LINGO2: variants seen among roughly 807,000 people sequenced by gnomAD.
LINGO2 encodes leucine-rich repeat and immunoglobulin-like domain-containing nogo receptor-interacting protein 2.
Under a neutral mutation model 30.6 loss-of-function variants are expected in LINGO2, and 14 were observed. The ratio of observed to expected loss-of-function variants is 0.46; its 90% CI spans 0.30 to 0.72. The LOEUF (loss-of-function observed/expected upper bound fraction) is 0.72, where lower values mean the gene tolerates loss of function less well. Ranked by LOEUF, LINGO2 falls within the 30% of genes least tolerant of loss-of-function variation. The probability of loss-of-function intolerance (pLI) is 0.07; values close to 1 mark genes in which losing one functional copy is unlikely to be tolerated. For missense variants in LINGO2, 729 were observed against 751.7 expected, an observed-to-expected ratio of 0.97 and a Z score of 0.35; for synonymous variants, 317 against 288.5, an observed-to-expected ratio of 1.10 and a Z score of -1.00.
intron 2 of LINGO2, among the ~76,000 whole-genome samples, chr9:28,436,529 C>T (rs913823570): frequency 6.6e-6 from 1 of 151,896 alleles, no homozygotes; most frequent in African/African-American, 2.4e-5. Context: ...GCAGTCTCGG[C>T]TCACTGTAAG....
intron 2 of LINGO2, among the ~76,000 whole-genome samples, chr9:28,408,263 T>C (rs1232093553): frequency 6.6e-6 from 1 of 152,168 alleles, no homozygotes; most frequent in Non-Finnish European, 1.5e-5. Context: ...TATTTTCCTC[T>C]ATATGTTTGC....
At chr9:28,310,045 A>C (rs1824549867) in intron 3 of LINGO2, among the ~76,000 whole-genome samples, 1 of 152,194 alleles carries the variant, frequency 6.6e-6, no homozygotes, top group Admixed American at 6.5e-5. Context: ...ACTTTTATAC[A>C]GTGCTGGTAG....
intron 4 of LINGO2, among the ~76,000 whole-genome samples, chr9:28,283,058 A>G (rs1823385352): frequency 6.6e-6 from 1 of 152,192 alleles, no homozygotes; most frequent in Non-Finnish European, 1.5e-5. Flanking sequence ...CCCTTTGTAG[A>G]TGGAACACAT....
chr9:28,020,531 AAAAACAAAACAAAACAAAAC>A (rs138914532), intron 4 of LINGO2, among the ~76,000 whole-genome samples: 248 of 148,686 alleles, frequency 1.7e-3, no homozygotes, highest in African/African-American at 4.8e-3. Flanking sequence ...TCTGTCTTAT[AAAAACAAAACAAAACAAAAC>A]AAAACAAAAC....
the LINGO2 span, among the ~76,000 whole-genome samples, chr9:28,885,489 A>T: frequency 2.0e-5 from 3 of 149,524 alleles, no homozygotes; most frequent in South Asian, 6.3e-4. Context: ...ATACACGTTT[A>T]TATATATATA....
At chr9:28,185,364 G>T (rs1466145962) in intron 4 of LINGO2, among the ~76,000 whole-genome samples, 2 of 150,746 alleles carry the variant, frequency 1.3e-5, no homozygotes, top group East Asian at 3.9e-4. Context: ...ATAACACTAT[G>T]TTAGTATTAA....
chr9:28,980,236 G>A, the LINGO2 span, among the ~76,000 whole-genome samples: 28 of 152,048 alleles, frequency 1.8e-4, no homozygotes, highest in Non-Finnish European at 3.7e-4. Context: ...TGACCACATA[G>A]GGCCCAGCCA....
At chr9:28,453,958 A>C (rs2135085832) in intron 2 of LINGO2, among the ~76,000 whole-genome samples, 1 of 152,146 alleles carries the variant, frequency 6.6e-6, no homozygotes, top group South Asian at 2.1e-4. Flanking sequence ...GCTGCCTTGC[A>C]GTCTGTCTGC....
the LINGO2 span, among the ~76,000 whole-genome samples, chr9:29,105,169 A>G: frequency 6.6e-6 from 1 of 152,248 alleles, no homozygotes; most frequent in African/African-American, 2.4e-5. Flanking sequence ...CACCAAGAGT[A>G]AATGGACTAA....
At chr9:28,900,457 C>G in the LINGO2 span, among the ~76,000 whole-genome samples, 1 of 152,182 alleles carries the variant, frequency 6.6e-6, no homozygotes, top group African/African-American at 2.4e-5. Context: ...CTCCAGCCAG[C>G]CTCAAGGAAC....
intron 1 of LINGO2, among the ~76,000 whole-genome samples, chr9:28,591,425 T>A (rs1344556038): frequency 6.6e-6 from 1 of 151,998 alleles, no homozygotes; most frequent in Admixed American, 6.6e-5. Flanking sequence ...TTTATGACTG[T>A]CTCCCACTTC....
chr9:29,129,815 G>C, the LINGO2 span, among the ~76,000 whole-genome samples: 1 of 152,006 alleles, frequency 6.6e-6, no homozygotes, highest in Non-Finnish European at 1.5e-5. Flanking sequence ...TTGTAGAGAT[G>C]GTGGTTTTGT....
rs554332659 is a variant in LINGO2, at chr9:28,339,627, C to T, written c.-246+33209G>A. Among the ~76,000 whole-genome samples the T allele has an allele frequency of 2.0e-5, 3 of 152,172 alleles. No homozygotes were observed. In the South Asian group the frequency reaches 6.2e-4, roughly 32 times the overall value. On this transcript the variant is annotated intron_variant, in intron 3 of 5. Transcript: ENST00000379992. The stretch of plus-strand genomic sequence containing the variant: ...GCCCACTAAATAGTAATATTAGGAT[C>T]TATCGACTGAGAAAATACTTAAATA...
At chr9:28,685,194 G>A in the LINGO2 span, among the ~76,000 whole-genome samples, 3 of 152,114 alleles carry the variant, frequency 2.0e-5, no homozygotes, top group Admixed American at 1.3e-4. Flanking sequence ...ATTCCATGCT[G>A]TATTTGTACC....
chr9:28,878,349 G>A, the LINGO2 span, among the ~76,000 whole-genome samples: 1 of 152,112 alleles, frequency 6.6e-6, no homozygotes, highest in African/African-American at 2.4e-5. Flanking sequence ...ATATTCAATA[G>A]CTTACCAACC....
chr9:28,644,994 C>T (rs764713357), intron 1 of LINGO2, among the ~76,000 whole-genome samples: 48 of 151,928 alleles, frequency 3.2e-4, no homozygotes, highest in South Asian at 4.1e-4. Flanking sequence ...CAAGGACAGG[C>T]CAATTTGAAG....
At chr9:28,805,493 A>G in the LINGO2 span, among the ~76,000 whole-genome samples, 1 of 152,162 alleles carries the variant, frequency 6.6e-6, no homozygotes, top group Non-Finnish European at 1.5e-5. Flanking sequence ...TTAGCCCCTA[A>G]GATTTGGGTG....
At chr9:28,034,622 A>C (rs899907770) in intron 4 of LINGO2, among the ~76,000 whole-genome samples, 7 of 152,192 alleles carry the variant, frequency 4.6e-5, no homozygotes, top group Non-Finnish European at 7.3e-5. Flanking sequence ...AACAAACTGA[A>C]AACTCATTCC....
intron 4 of LINGO2, among the ~76,000 whole-genome samples, chr9:28,206,288 G>T (rs1399928960): frequency 6.6e-6 from 1 of 151,406 alleles, no homozygotes; most frequent in Non-Finnish European, 1.5e-5. Context: ...ATCCTGGAAA[G>T]CCTCCAAATG....
Sources: gnomAD v4.1 joint callset for allele counts (sites outside exome capture counted in the v4.1 genomes callset) on GRCh38, gnomAD v4.1.1 for gene constraint, MANE v1.5 for transcripts, NCBI Gene and HGNC (gene_info 2026-07-23, HGNC 2026-07-21) for gene names.